FAM171A1: variants seen among roughly 807,000 people sequenced by gnomAD.
FAM171A1 encodes the protein protein FAM171A1.
FAM171A1 carries 23 observed loss-of-function variants against 74.9 expected under a neutral mutation model. The observed-to-expected ratio is 0.31, with a 90% confidence interval of 0.22 to 0.44. The LOEUF (loss-of-function observed/expected upper bound fraction) is 0.44, where lower values mean the gene tolerates loss of function less well. FAM171A1 is among the 20% of genes least tolerant of loss of function. The pLI, the probability that FAM171A1 is intolerant of heterozygous loss-of-function variation, is 1.00. For synonymous variants in FAM171A1, 527 were observed against 505.7 expected (o/e 1.04, Z -0.57); for missense variants, 1,162 against 1,159.2 (o/e 1.00, Z -0.03).
At chr10:15,343,335 G>C (rs548913032) in intron 1 of FAM171A1, among the ~76,000 whole-genome samples, 2 of 152,186 alleles carry the variant, frequency 1.3e-5, no homozygotes, top group Non-Finnish European at 2.9e-5. Context: ...CACCACTGCA[G>C]GACCAGATGA....
rs1325047382 is a variant in FAM171A1, at chr10:15,276,067, AATT to A, written c.326-123_326-121del. On this transcript the variant is annotated intron_variant, in intron 2 of 7. Coordinates refer to ENST00000378116, the MANE Select transcript of FAM171A1 (RefSeq NM_001010924.2). ...TGATTTCAAATCAATTAATACAATT[AATT>A]TTTAGTTAGATTAGCAAAAGACCTT... 3.6e-4 allele frequency: 222 copies of A among 624,224 alleles called. 1 individual carries two copies. Among genetic ancestry groups the A allele is most frequent in the Non-Finnish European group, 5.8e-5 (21 of 362,074 alleles). The allele number at this position is 624,224 out of a possible 1,614,324, so 38.7% of individuals were successfully genotyped here. A position where few individuals can be genotyped will look rare whatever the true frequency, so the allele number is the denominator to read the frequency against.
intron 1 of FAM171A1, among the ~76,000 whole-genome samples, chr10:15,328,777 C>T (rs150409208): frequency 1.8e-4 from 27 of 152,310 alleles, no homozygotes; most frequent in Middle Eastern, 3.4e-3. Flanking sequence ...ACCATCCTTA[C>T]CTCAAGTTTT....
intron 1 of FAM171A1, among the ~76,000 whole-genome samples, chr10:15,322,908 G>C (rs4750620): frequency 0.35 from 53,791 of 152,038 alleles, 9,917 homozygotes; most frequent in African/African-American, 0.39. Flanking sequence ...GGGAGGCCCA[G>C]GTGGGTGGAT....
At chr10:15,301,909 T>C (rs1370371034) in intron 1 of FAM171A1, among the ~76,000 whole-genome samples, 2 of 152,168 alleles carry the variant, frequency 1.3e-5, no homozygotes, top group Non-Finnish European at 2.9e-5. Context: ...ACTATATGCA[T>C]TATGAAGACA....
At chr10:15,280,284 G>C (rs1834951086) in intron 2 of FAM171A1, among the ~76,000 whole-genome samples, 1 of 152,118 alleles carries the variant, frequency 6.6e-6, no homozygotes, top group South Asian at 2.1e-4. Flanking sequence ...AGAATTTTAG[G>C]CAGGTACATA....
intron 6 of FAM171A1, among the ~76,000 whole-genome samples, 174 bp downstream of exon 6, chr10:15,220,770 G>T (rs1834027304): frequency 6.6e-6 from 1 of 152,102 alleles, no homozygotes; most frequent in East Asian, 1.9e-4. Flanking sequence ...CCAACCAGAA[G>T]TCCCCCACCC....
intron 1 of FAM171A1, among the ~76,000 whole-genome samples, chr10:15,364,083 A>G (rs993315823): frequency 3.3e-5 from 5 of 152,170 alleles, no homozygotes; most frequent in African/African-American, 9.7e-5. Context: ...ATTTCATTAC[A>G]TAAAGGCAGA....
intron 1 of FAM171A1, among the ~76,000 whole-genome samples, chr10:15,316,152 T>C (rs1255868701): frequency 6.6e-6 from 1 of 152,260 alleles, no homozygotes; most frequent in Non-Finnish European, 1.5e-5. Context: ...TTCCTTATTT[T>C]GAACTCACAG....
At chr10:15,245,473 G>A (rs1588509408) in intron 5 of FAM171A1, among the ~76,000 whole-genome samples, 1 of 152,208 alleles carries the variant, frequency 6.6e-6, no homozygotes. Flanking sequence ...CCAATTGTGT[G>A]AGCCATTCCT....
intron 5 of FAM171A1, among the ~76,000 whole-genome samples, chr10:15,245,542 T>A (rs1834421653): frequency 6.6e-6 from 1 of 152,250 alleles, no homozygotes; most frequent in Non-Finnish European, 1.5e-5. Context: ...CTTTAGAGAA[T>A]CCTAATACAC....
chr10:15,312,145 C>T (rs1292372354), intron 1 of FAM171A1, among the ~76,000 whole-genome samples: 1 of 152,194 alleles, frequency 6.6e-6, no homozygotes, highest in African/African-American at 2.4e-5. Context: ...CATTCAAGTT[C>T]CAGGCATGGC....
intron 1 of FAM171A1, among the ~76,000 whole-genome samples, chr10:15,301,344 C>CTATA (rs370421783): frequency 0.024 from 3,374 of 139,386 alleles, 50 homozygotes; most frequent in Middle Eastern, 0.058. Flanking sequence ...ACACGCCCAG[C>CTATA]TATATATATA....
intron 1 of FAM171A1, among the ~76,000 whole-genome samples, chr10:15,330,968 C>T (rs940003802): frequency 1.3e-5 from 2 of 152,028 alleles, no homozygotes; most frequent in East Asian, 3.9e-4. Context: ...CGGCTCACTG[C>T]AACCTCTGCC....
chr10:15,261,528 T>G (rs4750614), intron 3 of FAM171A1, among the ~76,000 whole-genome samples: 1 of 152,052 alleles, frequency 6.6e-6, no homozygotes, highest in South Asian at 2.1e-4. Flanking sequence ...AAGGCAGTCA[T>G]GGAAACGGCT....
chr10:15,261,167 G>A (rs1404745951), intron 3 of FAM171A1, among the ~76,000 whole-genome samples: 2 of 152,224 alleles, frequency 1.3e-5, no homozygotes, highest in African/African-American at 4.8e-5. Context: ...CTTTTGGAGG[G>A]TGGGATGAAG....
At chr10:15,238,470 C>T (rs770525383) in intron 5 of FAM171A1, among the ~76,000 whole-genome samples, 1 of 152,068 alleles carries the variant, frequency 6.6e-6, no homozygotes, top group East Asian at 1.9e-4. Context: ...ATTTTCTTTA[C>T]GTTGTAAACA....
At chr10:15,369,924 T>C (rs560455624) in intron 1 of FAM171A1, among the ~76,000 whole-genome samples, 13 of 152,240 alleles carry the variant, frequency 8.5e-5, no homozygotes, top group African/African-American at 2.4e-4. Flanking sequence ...CGCAGAGACC[T>C]GAGCCCCCGG....
intron 1 of FAM171A1, among the ~76,000 whole-genome samples, chr10:15,323,369 C>A (rs762820468): frequency 6.6e-6 from 1 of 152,132 alleles, no homozygotes; most frequent in African/African-American, 2.4e-5. Context: ...AGGAGAATTG[C>A]TTGAACCCGG....
upstream of FAM171A1, among the ~76,000 whole-genome samples, chr10:15,373,705 G>A (rs1836174727): frequency 1.3e-5 from 2 of 152,004 alleles, no homozygotes; most frequent in African/African-American, 2.4e-5. Context: ...CTTTTTATGA[G>A]TCTATAATTA....
Sources: allele counts gnomAD v4.1 joint callset (sites outside exome capture counted in the v4.1 genomes callset), GRCh38; gene constraint gnomAD v4.1.1; transcripts MANE v1.5; gene names NCBI Gene and HGNC (gene_info 2026-07-23, HGNC 2026-07-21).